GNAO1: variants seen among roughly 807,000 people sequenced by gnomAD.
GNAO1 encodes the protein G protein subunit alpha o1.
For missense variants in GNAO1, 166 were observed against 478.7 expected, an observed-to-expected ratio of 0.35 and a Z score of 6.10; for synonymous variants, 164 against 180.7, an observed-to-expected ratio of 0.91 and a Z score of 0.74.
At chr16:56,217,242 A>G (rs2036444473) in intron 2 of GNAO1, among the ~76,000 whole-genome samples, 1 of 152,208 alleles carries the variant, frequency 6.6e-6, no homozygotes, top group Non-Finnish European at 1.5e-5. Context: ...TTGCTGCACC[A>G]TCTATCGTGA....
chr16:56,316,752 G>A (rs950977980), intron 3 of GNAO1, among the ~76,000 whole-genome samples: 1 of 152,222 alleles, frequency 6.6e-6, no homozygotes, highest in Non-Finnish European at 1.5e-5. Context: ...GGGCAGGGCA[G>A]GGTCCAGTTC....
At chr16:56,314,332 C>T (rs2037487138) in intron 3 of GNAO1, among the ~76,000 whole-genome samples, 1 of 152,136 alleles carries the variant, frequency 6.6e-6, no homozygotes. Flanking sequence ...CTGCCAGAGA[C>T]CCCAGTCTGA....
At chr16:56,287,470 G>C (rs774079792) in intron 3 of GNAO1, among the ~76,000 whole-genome samples, 2 of 152,200 alleles carry the variant, frequency 1.3e-5, no homozygotes, top group African/African-American at 2.4e-5. Flanking sequence ...CTACTCACAG[G>C]GTTGTTGTGG....
At chr16:56,268,174 T>C (rs1394161915) in intron 2 of GNAO1, among the ~76,000 whole-genome samples, 1 of 152,218 alleles carries the variant, frequency 6.6e-6, no homozygotes, top group Admixed American at 6.5e-5. Context: ...TGACTATTTC[T>C]GTGTGGGCTC....
chr16:56,247,647 C>T (rs1175512241), intron 2 of GNAO1, among the ~76,000 whole-genome samples: 1 of 152,144 alleles, frequency 6.6e-6, no homozygotes, highest in African/African-American at 2.4e-5. Flanking sequence ...ACAGTCCTCC[C>T]CTAAAGCTCA....
Position 56,196,136 on chromosome 16 carries a change from TC to T in GNAO1, c.161+3529del, listed in dbSNP as rs567212878. Among the ~76,000 whole-genome samples the T allele has an allele frequency of 1.4e-3, 203 of 150,068 alleles. 1 individual carries two copies. The highest frequency in any genetic ancestry group is 3.8e-3 in the African/African-American group (154 of 40,914). On this transcript the variant is annotated intron_variant, in intron 2 of 8. Coordinates refer to ENST00000262493, the MANE Select transcript of GNAO1 (RefSeq NM_020988.3). ...TTTATTTGAACATAGTGTTTTGGGT[TC>T]CCCCCCCCTTGTGTGTGTGATTGTG...
chr16:56,211,747 G>C (rs755515939), intron 2 of GNAO1, among the ~76,000 whole-genome samples: 1 of 152,142 alleles, frequency 6.6e-6, no homozygotes, highest in Non-Finnish European at 1.5e-5. Flanking sequence ...ATTTATGGTC[G>C]CAGTGCTTCC....
At chr16:56,193,685 C>T in intron 2 of GNAO1, 1 of 202,018 alleles carries the variant, frequency 5.0e-6, no homozygotes, top group Non-Finnish European at 1.0e-5. Context: ...TTGCCCTATC[C>T]ACTCGGCAGT....
chr16:56,350,467 C>T (rs889810001), intron 6 of GNAO1, among the ~76,000 whole-genome samples: 2 of 152,224 alleles, frequency 1.3e-5, no homozygotes, highest in Non-Finnish European at 2.9e-5. Context: ...AGTGAATGAG[C>T]TCAGCGCCCC....
At chr16:56,247,039 A>C (rs1318317522) in intron 2 of GNAO1, among the ~76,000 whole-genome samples, 1 of 152,176 alleles carries the variant, frequency 6.6e-6, no homozygotes, top group African/African-American at 2.4e-5. Flanking sequence ...CAGCTTCCTT[A>C]AGTGGCCCTT....
chr16:56,223,081 G>C (rs1272220053), intron 2 of GNAO1, among the ~76,000 whole-genome samples: 3 of 152,142 alleles, frequency 2.0e-5, no homozygotes. Context: ...AAGATGTATT[G>C]TTTTACAGTT....
At chr16:56,286,488 TCTCCA>T (rs2037169814) in intron 3 of GNAO1, among the ~76,000 whole-genome samples, 1 of 151,998 alleles carries the variant, frequency 6.6e-6, no homozygotes, top group Non-Finnish European at 1.5e-5. Context: ...TTCCCCCATC[TCTCCA>T]CTCTGCCGCA....
intron 2 of GNAO1, among the ~76,000 whole-genome samples, chr16:56,224,374 G>A (rs1393340017): frequency 2.0e-5 from 3 of 152,300 alleles, no homozygotes; most frequent in Admixed American, 6.5e-5. Flanking sequence ...CTGCTACCCG[G>A]TAGGATAGCA....
At chr16:56,340,841 T>C in intron 6 of GNAO1, 2 of 1,613,856 alleles carry the variant, frequency 1.2e-6, no homozygotes, top group Non-Finnish European at 1.7e-6. Flanking sequence ...CAGAACCGCA[T>C]GCACGAATCC....
At chr16:56,306,864 G>A (rs1454281290) in intron 3 of GNAO1, 4 of 152,376 alleles carry the variant, frequency 2.6e-5, no homozygotes, top group African/African-American at 9.6e-5. Flanking sequence ...GGAGTGAAAA[G>A]GGCAGCGTGG....
rs9935654 is a variant in GNAO1, at chr16:56,299,642, C to G, written c.303+23570C>G. Among the ~76,000 whole-genome samples, 670 of 152,300 alleles carry G rather than the reference C, an allele frequency of 4.4e-3. 7 individuals are homozygous for G. The highest frequency in any genetic ancestry group is 0.015 in the African/African-American group (625 of 41,558). On this transcript the variant is annotated intron_variant, in intron 3 of 8. Coordinates refer to ENST00000262493, the MANE Select transcript of GNAO1 (RefSeq NM_020988.3). Reference sequence around the variant, plus strand: ...TAATTCTCTGAATGATTTCTAAAAGCCTCCTGATCACTGAAACCTCAGAGT... The same window carrying G: ...TAATTCTCTGAATGATTTCTAAAAGGCTCCTGATCACTGAAACCTCAGAGT...
intron 3 of GNAO1, among the ~76,000 whole-genome samples, chr16:56,323,559 T>C (rs1464458954): frequency 6.6e-6 from 1 of 151,846 alleles, no homozygotes; most frequent in Non-Finnish European, 1.5e-5. Flanking sequence ...AGAAAAAGGG[T>C]GCCCCTTACC....
intron 3 of GNAO1, among the ~76,000 whole-genome samples, chr16:56,315,280 G>T (rs1307528657): frequency 1.3e-5 from 2 of 152,220 alleles, no homozygotes; most frequent in Non-Finnish European, 2.9e-5. Context: ...AAGAGATGAG[G>T]TCGGCCATTA....
intron 2 of GNAO1, among the ~76,000 whole-genome samples, chr16:56,275,569 G>A (rs1258852554): frequency 6.6e-6 from 1 of 152,126 alleles, no homozygotes; most frequent in South Asian, 2.1e-4. Flanking sequence ...ATGCCTCTGG[G>A]TGTACACCTA....
Sources: gnomAD v4.1 joint callset for allele counts (sites outside exome capture counted in the v4.1 genomes callset) on GRCh38, gnomAD v4.1.1 for gene constraint, MANE v1.5 for transcripts, NCBI Gene and HGNC (gene_info 2026-07-23, HGNC 2026-07-21) for gene names.